UPP2: variants seen among roughly 807,000 people sequenced by gnomAD.
UPP2 encodes the protein uridine phosphorylase 2, also known as UPase 2.
Under a neutral mutation model 26.7 loss-of-function variants are expected in UPP2, and 23 were observed. The observed-to-expected ratio is 0.86, with a 90% CI of 0.62 to 1.22. The LOEUF is 1.22. UPP2 is among the 50% of genes most tolerant of loss of function. The pLI, the probability that UPP2 is intolerant of heterozygous loss-of-function variation, is 0.00. For synonymous variants in UPP2, 127 were observed against 141.3 expected, an observed-to-expected ratio of 0.90 and a Z score of 0.72; for missense variants, 387 against 396.7, an observed-to-expected ratio of 0.98 and a Z score of 0.21.
chr2:158,064,099 C>G (rs1682396853), intron 3 of UPP2, among the ~76,000 whole-genome samples: 1 of 152,156 alleles, frequency 6.6e-6, no homozygotes. Context: ...GTAATCCTTT[C>G]AGTATATACC....
At chr2:158,027,334 T>C (rs1683848341) in intron 3 of UPP2, among the ~76,000 whole-genome samples, 3 of 152,080 alleles carry the variant, frequency 2.0e-5, no homozygotes, top group Admixed American at 6.5e-5. Context: ...ATGGAAGCAA[T>C]TGGACAAAAC....
Position 158,134,947 on chromosome 2 carries a change from G to A in UPP2, c.*57G>A. 6.6e-7 allele frequency: 1 copy of A among 1,520,010 alleles called. No homozygotes were observed. Among genetic ancestry groups the A allele is most frequent in the Non-Finnish European group, 8.8e-7 (1 of 1,130,944 alleles). 94.2% of individuals were successfully genotyped at this position (1,520,010 alleles called of 1,614,324 possible). A position where few individuals can be genotyped will look rare whatever the true frequency, so the allele number is the denominator to read the frequency against. The stretch of plus-strand genomic sequence containing the variant: ...GCAAGTTTGTAGCTCAAGTTGTAAT[G>A]TGAAAGTCATATTTTATTTGTGGCA... On this transcript the variant is annotated 3_prime_UTR_variant, in exon 7 of 7. Transcript: ENST00000005756.
At chr2:158,073,950 G>A (rs953087809) in intron 3 of UPP2, among the ~76,000 whole-genome samples, 5 of 152,212 alleles carry the variant, frequency 3.3e-5, no homozygotes, top group African/African-American at 1.2e-4. Context: ...CAGTGCGGGA[G>A]GGTAGCTTAA....
upstream of UPP2, among the ~76,000 whole-genome samples, chr2:158,099,378 T>A (rs1429035108): frequency 6.6e-6 from 1 of 152,170 alleles, no homozygotes; most frequent in Non-Finnish European, 1.5e-5. Context: ...GAATCTGATG[T>A]GGCAGGAGGA....
intron 2 of UPP2, among the ~76,000 whole-genome samples, chr2:158,006,978 T>C (rs1259500801): frequency 1.3e-5 from 2 of 152,190 alleles, no homozygotes; most frequent in Admixed American, 1.3e-4. Context: ...GTGAGGAGAT[T>C]CCACACCATC....
chr2:158,018,856 A>C (rs888621562), intron 3 of UPP2, among the ~76,000 whole-genome samples: 2 of 152,180 alleles, frequency 1.3e-5, no homozygotes, highest in Non-Finnish European at 2.9e-5. Context: ...TATGCTTAAC[A>C]GCTCCCAGAT....
chr2:158,058,381 TC>T (rs34079541), intron 3 of UPP2, among the ~76,000 whole-genome samples: 97,234 of 138,016 alleles, frequency 0.7, 34,628 homozygotes, highest in African/African-American at 0.82. Flanking sequence ...ATGCTCTCTC[TC>T]TCTCTCTCTC....
intron 5 of UPP2, among the ~76,000 whole-genome samples, chr2:158,121,917 C>G (rs1683577140): frequency 6.6e-6 from 1 of 151,958 alleles, no homozygotes; most frequent in South Asian, 2.1e-4. Flanking sequence ...AAATTAGCAG[C>G]TCTAAGAGAA....
intron 3 of UPP2, among the ~76,000 whole-genome samples, chr2:158,041,890 C>A (rs1684087031): frequency 6.6e-6 from 1 of 152,188 alleles, no homozygotes; most frequent in African/African-American, 2.4e-5. Flanking sequence ...AAAATCAGAT[C>A]ATATTTCAAA....
chr2:158,095,890 T>C (rs1170809631), intron 3 of UPP2, among the ~76,000 whole-genome samples: 1 of 152,212 alleles, frequency 6.6e-6, no homozygotes, highest in Non-Finnish European at 1.5e-5. Flanking sequence ...CCTACTGGTA[T>C]TGATTTAAAA....
chr2:158,124,425 G>A (rs768941941), intron 6 of UPP2, among the ~76,000 whole-genome samples: 4 of 152,170 alleles, frequency 2.6e-5, no homozygotes, highest in Non-Finnish European at 5.9e-5. Flanking sequence ...TGGGAGGAGA[G>A]AGGGAAGATG....
intron 3 of UPP2, among the ~76,000 whole-genome samples, chr2:158,033,601 C>T (rs1683957895): frequency 6.6e-6 from 1 of 152,132 alleles, no homozygotes. Flanking sequence ...AGTTGGTCTC[C>T]ATGTAGGGCA....
At chr2:158,129,831 C>A (rs1470892130) in intron 6 of UPP2, among the ~76,000 whole-genome samples, 1 of 151,434 alleles carries the variant, frequency 6.6e-6, no homozygotes, top group Non-Finnish European at 1.5e-5. Context: ...AGTGGTATGA[C>A]CACAGCTCAC....
At chr2:158,002,903 T>C (rs76354842) in intron 2 of UPP2, among the ~76,000 whole-genome samples, 1 of 148,042 alleles carries the variant, frequency 6.8e-6, no homozygotes, top group Non-Finnish European at 1.5e-5. Flanking sequence ...CCTGGTACAA[T>C]TTTTTTTTTT....
chr2:158,127,541 A>G (rs888459939), intron 6 of UPP2, among the ~76,000 whole-genome samples: 6 of 152,210 alleles, frequency 3.9e-5, no homozygotes, highest in Admixed American at 3.3e-4. Flanking sequence ...CCCCAGCCAT[A>G]TAAGTGGCTT....
chr2:158,073,380 C>A (rs999260154), intron 3 of UPP2, among the ~76,000 whole-genome samples: 1 of 152,048 alleles, frequency 6.6e-6, no homozygotes, highest in South Asian at 2.1e-4. Context: ...GAGTATTGAT[C>A]TTAAAGAGAA....
chr2:158,006,442 A>C (rs1367321530), intron 2 of UPP2, among the ~76,000 whole-genome samples: 2 of 140,650 alleles, frequency 1.4e-5, no homozygotes, highest in African/African-American at 5.4e-5. Flanking sequence ...GTACCGCTGC[A>C]CTCCAGCCTG....
At chr2:158,069,036 C>T (rs1682494247) in intron 3 of UPP2, among the ~76,000 whole-genome samples, 2 of 151,108 alleles carry the variant, frequency 1.3e-5, no homozygotes, top group Admixed American at 1.3e-4. Context: ...CCAGGATGGT[C>T]TCCTGACCTC....
intron 2 of UPP2, among the ~76,000 whole-genome samples, chr2:158,010,027 G>A (rs950196691): frequency 1.3e-5 from 2 of 152,222 alleles, no homozygotes; most frequent in Non-Finnish European, 2.9e-5. Flanking sequence ...ACCAGGAAAC[G>A]AGTATGTTAA....
Sources: gnomAD v4.1 joint callset for allele counts (sites outside exome capture counted in the v4.1 genomes callset) on GRCh38, gnomAD v4.1.1 for gene constraint, MANE v1.5 for transcripts, NCBI Gene and HGNC (gene_info 2026-07-23, HGNC 2026-07-21) for gene names.